DCAF1: variants seen among roughly 807,000 people sequenced by gnomAD.
The protein encoded by DCAF1 is DDB1- and CUL4-associated factor 1.
A neutral mutation model predicts 128.0 loss-of-function variants in DCAF1; 15 were observed. The observed-to-expected ratio is 0.12, with a 90% CI of 0.08 to 0.18. The LOEUF (loss-of-function observed/expected upper bound fraction) is 0.18. DCAF1 is among the 10% of genes least tolerant of loss of function. The pLI, the probability that DCAF1 is intolerant of heterozygous loss-of-function variation, is 1.00. For synonymous variants in DCAF1, 610 were observed against 603.0 expected (o/e 1.01, Z -0.17); for missense variants, 988 against 1,649.5 (o/e 0.60, Z 6.95).
chr3:51,419,005 C>A (rs1699150800), intron 15 of DCAF1, 129 bp from the exon 16 acceptor site: 8 of 1,360,164 alleles, frequency 5.9e-6, no homozygotes, highest in Admixed American at 3.1e-5. Context: ...TCACAGTGAC[C>A]TTCAGTGCTT....
chr3:51,453,440 C>A, intron 6 of DCAF1, among the ~76,000 whole-genome samples: 1 of 151,662 alleles, frequency 6.6e-6, no homozygotes, highest in Non-Finnish European at 1.5e-5. Flanking sequence ...CCAGCCTGGG[C>A]AACATAGGGA....
chr3:51,412,723 G>T (rs1213514460), intron 22 of DCAF1, among the ~76,000 whole-genome samples: 2 of 152,180 alleles, frequency 1.3e-5, no homozygotes, highest in African/African-American at 2.4e-5. Flanking sequence ...TCTGGTGAGA[G>T]ATCCAGATTC....
chr3:51,496,207 A>G (rs928422832), intron 2 of DCAF1, among the ~76,000 whole-genome samples: 16 of 152,072 alleles, frequency 1.1e-4, no homozygotes, highest in African/African-American at 3.9e-4. Flanking sequence ...CCGGCAGATC[A>G]CAAGGTCAGG....
chr3:51,419,758 A>G lies in DCAF1; in HGVS notation c.3212T>C (p.Phe1071Ser). The change falls in exon 15 of 25, where the codon TTT (phenylalanine) becomes TCT (serine). Residue 1071 changes from phenylalanine (F) to serine (S), a missense_variant. By Grantham distance (155) the Phe-to-Ser change is radical. This residue lies in a region of DCAF1 where 105 missense variants were observed against 266.7 expected (regional missense o/e 0.39). Coordinates refer to ENST00000684031, the MANE Select transcript of DCAF1 (RefSeq NM_001387579.1). ...PKYGGVDGGC[F>S]DRHLIFSRFR... is the part of the protein sequence containing the mutation. ...CCTGCTAAAGATAAGGTGCCTATCAAAGCATCCGCCATCCACCCCTCCATA... is the reference window on the plus strand; with the variant it reads ...CCTGCTAAAGATAAGGTGCCTATCAGAGCATCCGCCATCCACCCCTCCATA... The G allele has an allele frequency of 1.2e-6, 2 of 1,612,836 alleles. No homozygotes were observed. Among genetic ancestry groups the G allele is most frequent in the Non-Finnish European group, 1.7e-6 (2 of 1,179,050 alleles).
chr3:51,483,609 T>TTGTGTGTGTGTGTG lies in DCAF1; in HGVS notation c.110+96_110+109dup, dbSNP rs57475291. 5.5e-4 allele frequency: 263 copies of TTGTGTGTGTGTGTG among 475,834 alleles called. 2 individuals carry two copies. The highest frequency in any genetic ancestry group is 2.3e-3 in the South Asian group (72 of 30,646). 29.5% of individuals were successfully genotyped at this position (475,834 alleles called of 1,614,324 possible). ...AATTTTTGCTTCTTTTTAAACTAGT[T>TTGTGTGTGTGTGTG]TGTGTGTGTGTGTGTGTGTGTGTGT... On this transcript the variant is annotated intron_variant, in intron 3 of 24. Transcript: ENST00000684031.
chr3:51,487,433 TAACTA>T (rs1707103534), intron 2 of DCAF1, among the ~76,000 whole-genome samples: 1 of 152,228 alleles, frequency 6.6e-6, no homozygotes, highest in South Asian at 2.1e-4. Context: ...ACATTATTAT[TAACTA>T]AACTCCAGAC....
rs1559515792 is a variant in DCAF1, at chr3:51,441,865, T to C, written c.546A>G (p.Leu182=). The part of the protein sequence containing the change: ...VAIVLRRLRE[L]QLQEVALRQE... The stretch of plus-strand genomic sequence containing the variant: ...GCCGCAAAGCCACTTCCTGTAGCTG[T>C]AGCTCCCTCAGTCTTCGAAGCACTA... Residue 182 remains leucine, a synonymous_variant, in exon 8 of 25, where the codon CTA becomes CTG. Coordinates refer to ENST00000684031, the MANE Select transcript of DCAF1 (RefSeq NM_001387579.1). 2 of 1,610,634 alleles carry C rather than the reference T, an allele frequency of 1.2e-6. No individual in the cohort carries two copies. The highest frequency in any genetic ancestry group is 1.7e-6 in the Non-Finnish European group (2 of 1,179,602).
intron 13 of DCAF1, among the ~76,000 whole-genome samples, chr3:51,426,784 A>G (rs1167940740): frequency 2.0e-5 from 3 of 152,162 alleles, no homozygotes; most frequent in Non-Finnish European, 2.9e-5. Context: ...CACTCTGTTT[A>G]TAAACTTTTT....
chr3:51,398,914 C>A, intron 24 of DCAF1, 87 bp from the exon 25 acceptor site: 2 of 1,488,352 alleles, frequency 1.3e-6, no homozygotes, highest in Non-Finnish European at 1.8e-6. Context: ...CACATACATT[C>A]ATGCCCGAGC....
chr3:51,426,681 T>A (rs1463618633), intron 13 of DCAF1, among the ~76,000 whole-genome samples: 1 of 152,230 alleles, frequency 6.6e-6, no homozygotes, highest in African/African-American at 2.4e-5. Flanking sequence ...TTACAATATT[T>A]AAATGCTGGG....
At chr3:51,408,450 G>A (rs1385429750) in intron 23 of DCAF1, among the ~76,000 whole-genome samples, 1 of 152,310 alleles carries the variant, frequency 6.6e-6, no homozygotes, top group East Asian at 1.9e-4. Context: ...TCTAGACTAG[G>A]ACAAAACTTT....
At chr3:51,446,560 G>C (rs1553640248) in intron 6 of DCAF1, among the ~76,000 whole-genome samples, 1 of 152,102 alleles carries the variant, frequency 6.6e-6, no homozygotes, top group Non-Finnish European at 1.5e-5. Context: ...GAGCCCAGGA[G>C]TTCAAGGCTG....
intron 18 of DCAF1, among the ~76,000 whole-genome samples, chr3:51,415,290 C>T (rs1021509413): frequency 2.8e-4 from 43 of 151,864 alleles, no homozygotes; most frequent in African/African-American, 9.9e-4. Context: ...CCCAGGAGTT[C>T]GAGACCAGCC....
chr3:51,471,826 G>A (rs923551791), intron 3 of DCAF1, among the ~76,000 whole-genome samples: 7 of 151,634 alleles, frequency 4.6e-5, no homozygotes, highest in African/African-American at 7.3e-5. Flanking sequence ...AAGAGATTGC[G>A]CCACTGCACT....
intron 9 of DCAF1, among the ~76,000 whole-genome samples, chr3:51,436,051 G>T (rs1435114744): frequency 3.3e-5 from 5 of 152,222 alleles, no homozygotes; most frequent in Non-Finnish European, 7.3e-5. Flanking sequence ...TTCCCAGGAT[G>T]ATTCGGGGGC....
chr3:51,466,084 C>A (rs1704097394), intron 5 of DCAF1, among the ~76,000 whole-genome samples: 1 of 152,092 alleles, frequency 6.6e-6, no homozygotes, highest in Admixed American at 6.6e-5. Flanking sequence ...CACCTGTGGT[C>A]CCAGCTACTT....
chr3:51,451,718 T>C (rs1033975634), intron 6 of DCAF1, among the ~76,000 whole-genome samples: 2 of 148,610 alleles, frequency 1.3e-5, no homozygotes, highest in Non-Finnish European at 1.5e-5. Flanking sequence ...GCTGAGATCA[T>C]GCCGTTGCAC....
At chr3:51,497,869 T>A (rs782363144) in intron 1 of DCAF1, among the ~76,000 whole-genome samples, 15 of 151,370 alleles carry the variant, frequency 9.9e-5, no homozygotes, top group Non-Finnish European at 2.1e-4. Flanking sequence ...GCTAACACGG[T>A]GAAACCCTGT....
intron 13 of DCAF1, 129 bp downstream of exon 13, chr3:51,427,243 C>A: frequency 1.8e-6 from 1 of 560,890 alleles, no homozygotes; most frequent in Non-Finnish European, 3.2e-6. Flanking sequence ...AATCTAATTT[C>A]TCAGATTCAA....
Sources: gnomAD v4.1 joint callset for allele counts (sites outside exome capture counted in the v4.1 genomes callset) on GRCh38, gnomAD v4.1.1 for gene constraint, gnomAD v4.1.1 regional missense constraint, MANE v1.5 for transcripts, NCBI Gene and HGNC (gene_info 2026-07-23, HGNC 2026-07-21) for gene names.